HTR1F: variants seen among roughly 807,000 people sequenced by gnomAD.
The protein encoded by HTR1F is 5-hydroxytryptamine (serotonin) receptor 1F, G protein-coupled.
HTR1F carries 17 observed loss-of-function variants against 24.0 expected under a neutral mutation model. The observed-to-expected ratio is 0.71, with a 90% confidence interval of 0.48 to 1.06. The LOEUF (loss-of-function observed/expected upper bound fraction) is 1.06. Ranked by LOEUF, HTR1F falls within the 50% of genes least tolerant of loss-of-function variation. The pLI, the probability that HTR1F is intolerant of heterozygous loss-of-function variation, is 0.00. For synonymous variants in HTR1F, 186 were observed against 156.8 expected (o/e 1.19, Z -1.39); for missense variants, 391 against 427.8 (o/e 0.91, Z 0.76).
intron 2 of HTR1F, among the ~76,000 whole-genome samples, chr3:87,841,647 C>T (rs1217963232): frequency 6.6e-6 from 1 of 151,682 alleles, no homozygotes; most frequent in Non-Finnish European, 1.5e-5. Context: ...CGTCTGTAAT[C>T]CCAGCACTTT....
intron 1 of HTR1F, among the ~76,000 whole-genome samples, chr3:87,798,124 C>G (rs1013413551): frequency 6.6e-6 from 1 of 152,102 alleles, no homozygotes; most frequent in African/African-American, 2.4e-5. Flanking sequence ...GATCATCACT[C>G]TCATCAAATC....
intron 2 of HTR1F, among the ~76,000 whole-genome samples, chr3:87,973,430 A>G (rs1705329029): frequency 6.6e-6 from 1 of 152,120 alleles, no homozygotes; most frequent in Admixed American, 6.5e-5. Flanking sequence ...CCATCTATTG[A>G]CTCAATAAAC....
intron 2 of HTR1F, among the ~76,000 whole-genome samples, chr3:87,881,930 A>G (rs1164453520): frequency 9.2e-5 from 14 of 152,284 alleles, no homozygotes; most frequent in Admixed American, 2.6e-4. Flanking sequence ...GCAACCCACA[A>G]AATGGGAGAA....
At chr3:87,850,061 G>T (rs1442616395) in intron 2 of HTR1F, among the ~76,000 whole-genome samples, 1 of 151,422 alleles carries the variant, frequency 6.6e-6, no homozygotes, top group Non-Finnish European at 1.5e-5. Flanking sequence ...GATTCCTCAG[G>T]GATCTAAAAC....
At chr3:87,987,573 C>A (rs1310361991) in intron 2 of HTR1F, among the ~76,000 whole-genome samples, 1 of 146,988 alleles carries the variant, frequency 6.8e-6, no homozygotes, top group African/African-American at 2.5e-5. Flanking sequence ...ACCCAGAACA[C>A]AAAGTCCAAG....
chr3:87,985,250 G>T (rs1289737402), intron 2 of HTR1F, among the ~76,000 whole-genome samples: 1 of 151,906 alleles, frequency 6.6e-6, no homozygotes, highest in Admixed American at 6.6e-5. Flanking sequence ...CTGACGAATC[G>T]CTTGAACCCA....
intron 2 of HTR1F, among the ~76,000 whole-genome samples, chr3:87,829,421 C>G (rs116362818): frequency 0.018 from 2,803 of 152,266 alleles, 94 homozygotes; most frequent in African/African-American, 0.064. Context: ...GCCTAAAAAG[C>G]TGTGATCTTC....
In HTR1F at chr3:87,924,803, T is replaced by A. The variant is rs1383006433; in HGVS notation, c.-42-65905T>A. On this transcript the variant is annotated intron_variant, in intron 2 of 2. Transcript: ENST00000319595. ...CTGTTGCTATTTCTAGAATTCTCTC[T>A]TTTGTCTTTTACTTGACAATTTGAC... Among the ~76,000 whole-genome samples the A allele has an allele frequency of 2.0e-5, 3 of 152,130 alleles. No homozygotes were observed. The South Asian group carries it at 6.2e-4, about 32-fold the overall frequency.
intron 2 of HTR1F, among the ~76,000 whole-genome samples, chr3:87,961,152 A>G (rs920834896): frequency 1.3e-4 from 19 of 151,966 alleles, no homozygotes; most frequent in Admixed American, 1.2e-3. Flanking sequence ...ATGCCTTTTT[A>G]CCCAGGATTT....
At chr3:87,864,752 T>C (rs921354432) in intron 2 of HTR1F, among the ~76,000 whole-genome samples, 1 of 151,896 alleles carries the variant, frequency 6.6e-6, no homozygotes, top group African/African-American at 2.4e-5. Flanking sequence ...AAAAATTAGC[T>C]GGTTGCGGTG....
intron 2 of HTR1F, among the ~76,000 whole-genome samples, chr3:87,892,932 T>A (rs1706116502): frequency 6.6e-6 from 1 of 151,976 alleles, no homozygotes; most frequent in African/African-American, 2.4e-5. Flanking sequence ...GAATAATTAA[T>A]TAAATTCCTG....
At chr3:87,986,477 A>AT (rs1705664086) in intron 2 of HTR1F, among the ~76,000 whole-genome samples, 2 of 152,082 alleles carry the variant, frequency 1.3e-5, no homozygotes, top group South Asian at 2.1e-4. Context: ...CAAAATTTTT[A>AT]TTTTTTTCTT....
chr3:87,968,391 T>G (rs1576101234), intron 2 of HTR1F, among the ~76,000 whole-genome samples: 1 of 152,204 alleles, frequency 6.6e-6, no homozygotes, highest in Non-Finnish European at 1.5e-5. Flanking sequence ...TTTTGTATTT[T>G]TAGTAGAGAC....
intron 2 of HTR1F, among the ~76,000 whole-genome samples, chr3:87,966,329 G>C (rs540457712): frequency 1.3e-4 from 20 of 152,258 alleles, no homozygotes; most frequent in Admixed American, 1.3e-4. Context: ...GTATAAATTT[G>C]GGTAGACATA....
chr3:87,929,764 G>A lies in HTR1F; in HGVS notation c.-42-60944G>A, dbSNP rs145980666. The stretch of plus-strand genomic sequence containing the variant: ...CTCCAGCTTTGCTCTTTTTGCTTAG[G>A]ATTATCTTGGCTATTTGGGCTCTTT... On this transcript the variant is annotated intron_variant, in intron 2 of 2. Coordinates refer to ENST00000319595, the MANE Select transcript of HTR1F (RefSeq NM_001322209.2). Among the ~76,000 whole-genome samples the A allele has an allele frequency of 4.9e-3, 748 of 152,148 alleles. 8 individuals are homozygous for A. Among genetic ancestry groups the A allele is most frequent in the African/African-American group, 0.017 (693 of 41,520 alleles).
chr3:87,953,384 AG>A (rs892542019), intron 2 of HTR1F, among the ~76,000 whole-genome samples: 3 of 151,700 alleles, frequency 2.0e-5, no homozygotes, highest in African/African-American at 4.8e-5. Flanking sequence ...TAGTGAGCAA[AG>A]GATCTGCATA....
At chr3:87,968,443 C>A (rs990022098) in intron 2 of HTR1F, among the ~76,000 whole-genome samples, 3 of 152,110 alleles carry the variant, frequency 2.0e-5, no homozygotes, top group Non-Finnish European at 4.4e-5. Flanking sequence ...AAAACCCTGA[C>A]CTCAGGTGAT....
chr3:87,908,590 T>G (rs1205363389), intron 2 of HTR1F, among the ~76,000 whole-genome samples: 1 of 152,068 alleles, frequency 6.6e-6, no homozygotes. Flanking sequence ...AAAATTCTAC[T>G]TAGAGAAAGA....
chr3:87,987,584 A>T (rs1163447298), intron 2 of HTR1F, among the ~76,000 whole-genome samples: 4 of 148,012 alleles, frequency 2.7e-5, no homozygotes, highest in African/African-American at 9.9e-5. Flanking sequence ...AAAGTCCAAG[A>T]GCTGGATGAA....
Sources: allele counts gnomAD v4.1 joint callset (sites outside exome capture counted in the v4.1 genomes callset), GRCh38; gene constraint gnomAD v4.1.1; transcripts MANE v1.5; gene names NCBI Gene and HGNC (gene_info 2026-07-23, HGNC 2026-07-21).